Variants in TFEB observed in about 807,000 individuals in gnomAD.
TFEB encodes T-cell transcription factor EB.
A neutral mutation model predicts 48.0 loss-of-function variants in TFEB; 12 were observed. The observed-to-expected ratio is 0.25, with a 90% CI of 0.16 to 0.40. The LOEUF (loss-of-function observed/expected upper bound fraction) is 0.40, where lower values mean the gene tolerates loss of function less well. TFEB is among the 10% of genes least tolerant of loss of function. The probability of loss-of-function intolerance (pLI) is 1.00; values close to 1 mark genes in which losing one functional copy is unlikely to be tolerated. For synonymous variants in TFEB, 244 were observed against 261.4 expected (o/e 0.93, Z 0.64); for missense variants, 509 against 640.3 (o/e 0.79, Z 2.21).
Position 41,730,496 on chromosome 6 carries a change from C to T in TFEB, c.-23+4854G>A, listed in dbSNP as rs567217370. Among the ~76,000 whole-genome samples the T allele has an allele frequency of 6.6e-6, 1 of 152,270 alleles. No homozygotes were observed. Among genetic ancestry groups the T allele is most frequent in the Admixed American group, 6.5e-5 (1 of 15,296 alleles). ...ATCTTATGGGGCCAGGTGGCTCTCC[C>T]CATAAGAAAGCTGGACAAAAGATGG... On this transcript the variant is annotated intron_variant, in intron 1 of 8. Coordinates refer to ENST00000373033, the MANE Select transcript of TFEB (RefSeq NM_001271944.2). The surrounding 1 kb of genome is among the most constrained non-coding windows in gnomAD (Gnocchi z 4.1).
chr6:41,684,500 A>G lies in TFEB; in HGVS notation c.*99T>C. On this transcript the variant is annotated 3_prime_UTR_variant, in exon 9 of 9. Coordinates refer to ENST00000373033, the MANE Select transcript of TFEB (RefSeq NM_001271944.2). ...GAGGAGGGAGGCAGGGCAGGTGGCTACTTCACACACAGTGCAGCCTGAAGG... is the reference window on the plus strand; with the variant it reads ...GAGGAGGGAGGCAGGGCAGGTGGCTGCTTCACACACAGTGCAGCCTGAAGG... The G allele has an allele frequency of 7.2e-7, 1 of 1,382,222 alleles. No individual in the cohort carries two copies. The highest frequency in any genetic ancestry group is 9.5e-7 in the Non-Finnish European group (1 of 1,056,842). The allele number at this position is 1,382,222 out of a possible 1,614,324, so 85.6% of individuals were successfully genotyped here.
chr6:41,708,488 AC>A (rs1770339580), intron 1 of TFEB, among the ~76,000 whole-genome samples: 1 of 152,286 alleles, frequency 6.6e-6, no homozygotes, highest in East Asian at 1.9e-4. Flanking sequence ...AGCCAAAGAC[AC>A]CTATCACTTG....
intron 1 of TFEB, among the ~76,000 whole-genome samples, chr6:41,701,943 T>C (rs1186118490): frequency 1.4e-5 from 1 of 70,032 alleles, no homozygotes; most frequent in African/African-American, 8.4e-5. Context: ...AGGCTCCGTC[T>C]CAAAAAAAAA....
In TFEB at chr6:41,720,243, G is replaced by T. The variant is rs1028844703; in HGVS notation, c.-23+15107C>A. 3.3e-5 allele frequency among the ~76,000 whole-genome samples: 5 copies of T among 152,148 alleles called. No homozygotes were observed. The East Asian group carries it at 9.7e-4, about 29-fold the overall frequency. On this transcript the variant is annotated intron_variant, in intron 1 of 8. Coordinates refer to ENST00000373033, the MANE Select transcript of TFEB (RefSeq NM_001271944.2). The surrounding 1 kb of genome is among the most constrained non-coding windows in gnomAD (Gnocchi z 4.1). ...AAGAGTGGAGCTTTAGAGGTTGGGG[G>T]TTCCCAGATTTAGGCCAGATCTGGG...
rs1373869335 is a variant in TFEB at position 41,691,880 on chromosome 6, T to TCC, written c.-22-646_-22-645insGG. 6.6e-6 allele frequency among the ~76,000 whole-genome samples: 1 copy of TCC among 152,144 alleles called. No homozygotes were observed. The highest frequency in any genetic ancestry group is 1.5e-5 in the Non-Finnish European group (1 of 68,024). ...CATCCGCCAGCTCTCCCTCTTGTTT[T>TCC]ATCTGCTCCGGCTACATCCTCCAGG... is the stretch of plus-strand genomic sequence containing the variant. On this transcript the variant is annotated intron_variant, in intron 1 of 8. Transcript: ENST00000373033. The surrounding 1 kb of genome is among the most constrained non-coding windows in gnomAD (Gnocchi z 5.2).
intron 1 of TFEB, among the ~76,000 whole-genome samples, chr6:41,698,564 C>T (rs1353444845): frequency 6.6e-6 from 1 of 152,174 alleles, no homozygotes; most frequent in Non-Finnish European, 1.5e-5. Context: ...AGTGTGCAAG[C>T]CCAGAGGCTG....
intron 4 of TFEB, among the ~76,000 whole-genome samples, chr6:41,689,069 G>A (rs1269102498): frequency 6.6e-6 from 1 of 152,210 alleles, no homozygotes. Flanking sequence ...AATCCTGTGG[G>A]TAGAGAGCAT....
In TFEB at chr6:41,723,361, T is replaced by A. The variant is rs1771064205; in HGVS notation, c.-23+11989A>T. On this transcript the variant is annotated intron_variant, in intron 1 of 8. Coordinates refer to ENST00000373033, the MANE Select transcript of TFEB (RefSeq NM_001271944.2). This position sits in a 1 kb window ranked among gnomAD's most constrained non-coding sequence, Gnocchi z 6.0. ...AGACACCACACGCATGCACATACAC[T>A]CACACAGATGCACACAGGCTAACAC... The A allele has an allele frequency of 5.6e-6, 4 of 711,168 alleles. No individual in the cohort carries two copies. Among genetic ancestry groups the A allele is most frequent in the Non-Finnish European group, 8.5e-6 (4 of 469,224 alleles). The allele number at this position is 711,168 out of a possible 1,614,324, so 44.1% of individuals were successfully genotyped here.
intron 6 of TFEB, 72 bp from the exon 7 acceptor site, chr6:41,687,241 A>G: frequency 6.8e-7 from 1 of 1,473,588 alleles, no homozygotes; most frequent in Admixed American, 1.7e-5. Flanking sequence ...AGAAGTACCC[A>G]GCCCAGGGAG....
chr6:41,687,885 A>T (rs746034543), intron 5 of TFEB, 23 bp downstream of exon 5: 1 of 1,611,028 alleles, frequency 6.2e-7, no homozygotes, highest in Non-Finnish European at 8.5e-7. Context: ...ATTCAAAGGC[A>T]CAGGGGTAGA....
intron 1 of TFEB, among the ~76,000 whole-genome samples, chr6:41,699,377 T>G (rs769611656): frequency 6.6e-6 from 1 of 152,214 alleles, no homozygotes; most frequent in Non-Finnish European, 1.5e-5. Context: ...CATACACACA[T>G]ACACACCATC....
chr6:41,728,303 T>C (rs575130101), intron 1 of TFEB, among the ~76,000 whole-genome samples: 2 of 152,272 alleles, frequency 1.3e-5, no homozygotes, highest in Admixed American at 6.5e-5. Flanking sequence ...CTGTTGACAC[T>C]GAAGGCCTTG....
intron 1 of TFEB, among the ~76,000 whole-genome samples, chr6:41,698,628 T>G (rs558046112): frequency 2.9e-4 from 44 of 152,208 alleles, no homozygotes; most frequent in African/African-American, 9.4e-4. Flanking sequence ...TCGGAAGAAG[T>G]TTTCTTCTGA....
At chr6:41,696,718 A>G (rs1769606443) in intron 1 of TFEB, among the ~76,000 whole-genome samples, 1 of 152,118 alleles carries the variant, frequency 6.6e-6, no homozygotes, top group Admixed American at 6.6e-5. Flanking sequence ...AATAAAATAA[A>G]TTGAAGTGGT....
At position 41,735,407 on chromosome 6, in the gene TFEB, G is replaced by T. The variant is rs1771639928; in HGVS notation, c.-80C>A. On this transcript the variant is annotated 5_prime_UTR_variant, in exon 1 of 9. Coordinates refer to ENST00000373033, the MANE Select transcript of TFEB (RefSeq NM_001271944.2). ...CGCCCCGCGGCTCCGGCAACTTGTC[G>T]CAAGTTCGGGTGCCTGGCCCGCAAG... 2.0e-6 allele frequency: 2 copies of T among 985,666 alleles called. No homozygotes were observed. Among genetic ancestry groups the T allele is most frequent in the African/African-American group, 1.7e-5 (1 of 57,290 alleles). The allele number at this position is 985,666 out of a possible 1,614,324, so 61.1% of individuals were successfully genotyped here.
Position 41,691,412 on chromosome 6 carries a change from C to T in TFEB, c.-22-177G>A. Reference sequence around the variant, plus strand: ...CTGAGCAAGCGGGTGACAGCTGAGACATGAATCCAAGTTTCCTGGTTCCTG... The same window carrying T: ...CTGAGCAAGCGGGTGACAGCTGAGATATGAATCCAAGTTTCCTGGTTCCTG... On this transcript the variant is annotated intron_variant, in intron 1 of 8. Coordinates refer to ENST00000373033, the MANE Select transcript of TFEB (RefSeq NM_001271944.2). The surrounding 1 kb of genome is among the most constrained non-coding windows in gnomAD (Gnocchi z 5.2). 1 of 750,882 alleles carries T rather than the reference C, an allele frequency of 1.3e-6. No homozygotes were observed. The highest frequency in any genetic ancestry group is 2.4e-6 in the Non-Finnish European group (1 of 416,606). The allele number at this position is 750,882 out of a possible 1,614,324, so 46.5% of individuals were successfully genotyped here. A position where few individuals can be genotyped will look rare whatever the true frequency, so the allele number is the denominator to read the frequency against.
Position 41,689,802 on chromosome 6 carries a change from C to G in TFEB, c.478G>C (p.Val160Leu). The G allele has an allele frequency of 6.2e-7, 1 of 1,613,892 alleles. No homozygotes were observed. The highest frequency in any genetic ancestry group is 1.7e-5 in the Admixed American group (1 of 60,002). The change falls in exon 4 of 9, where the codon GTC (valine) becomes CTC (leucine). Residue 160 changes from valine (V) to leucine (L), a missense_variant. Coordinates refer to ENST00000373033, the MANE Select transcript of TFEB (RefSeq NM_001271944.2). Reference sequence around the variant, plus strand: ...TCCAGACGCATAATGTTGTCAATGACATCATCCAACTGGAAAAGAGAAAAG... The same window carrying G: ...TCCAGACGCATAATGTTGTCAATGAGATCATCCAACTGGAAAAGAGAAAAG... Reference protein sequence around the residue: ...GSNPERELDDVIDNIMRLDDV... With the variant: ...GSNPERELDDLIDNIMRLDDV...
intron 1 of TFEB, 171 bp downstream of exon 1, chr6:41,735,179 C>T: frequency 3.3e-6 from 3 of 913,570 alleles, no homozygotes; most frequent in Non-Finnish European, 2.6e-6. Context: ...GCTGGGCGCC[C>T]GGGGGCGGAC....
intron 1 of TFEB, among the ~76,000 whole-genome samples, chr6:41,728,437 C>T (rs1451928044): frequency 6.6e-6 from 1 of 152,222 alleles, no homozygotes; most frequent in African/African-American, 2.4e-5. Flanking sequence ...CCAGCACCGT[C>T]CTGGCAAGGC....
Sources: gnomAD v4.1 joint callset for allele counts (sites outside exome capture counted in the v4.1 genomes callset) on GRCh38, gnomAD v4.1.1 for gene constraint, Gnocchi (gnomAD v3.1) non-coding constraint, MANE v1.5 for transcripts, NCBI Gene and HGNC (gene_info 2026-07-23, HGNC 2026-07-21) for gene names.